The following HAL variants were observed in gnomAD, a reference collection of about 807,000 sequenced individuals.
HAL encodes histidine ammonia-lyase.
In HAL, 85 loss-of-function variants were observed where a neutral mutation model predicts 81.1. The observed-to-expected ratio is 1.05, with a 90% CI of 0.88 to 1.25. The LOEUF is 1.25. Among genes scored for constraint, HAL ranks in the 50% most tolerant of loss-of-function variants. The pLI, the probability that HAL is intolerant of heterozygous loss-of-function variation, is 0.00. For missense variants in HAL, 798 were observed against 836.6 expected, an observed-to-expected ratio of 0.95 and a Z score of 0.57; for synonymous variants, 301 against 309.2, an observed-to-expected ratio of 0.97 and a Z score of 0.28.
At position 95,994,843 on chromosome 12, in the gene HAL, A is replaced by G. The variant is rs1347793626; in HGVS notation, c.309-18T>C. 6.2e-7 allele frequency: 1 copy of G among 1,613,906 alleles called. No individual in the cohort carries two copies. On this transcript the variant is annotated intron_variant, in intron 3 of 20. Transcript: ENST00000261208. ...TGCTGTATCTGTATCCAGGTAAAGG[A>G]ACATATAGGGTGGTGTGGAAAAACC... is the stretch of plus-strand genomic sequence containing the variant.
intron 11 of HAL, 89 bp from the exon 12 acceptor site, chr12:95,987,303 GA>G: frequency 9.3e-7 from 1 of 1,075,038 alleles, no homozygotes; most frequent in South Asian, 1.3e-5. Flanking sequence ...TTTCATAAGA[GA>G]AAAATTAGCC....
Position 95,974,022 on chromosome 12 carries a change from C to G in HAL, c.*210G>C. On this transcript the variant is annotated 3_prime_UTR_variant, in exon 21 of 21. Coordinates refer to ENST00000261208, the MANE Select transcript of HAL (RefSeq NM_002108.4). ...GAAAAGTTTTATAATCTGAAAATAC[C>G]TGGTGGGTCTTGAACCACGACAACA... The G allele has an allele frequency of 1.6e-6, 1 of 610,362 alleles. No homozygotes were observed. Among genetic ancestry groups the G allele is most frequent in the South Asian group, 1.9e-5 (1 of 51,400 alleles). The allele number at this position is 610,362 out of a possible 1,614,324, so 37.8% of individuals were successfully genotyped here.
At position 95,990,537 on chromosome 12, in the gene HAL, G is replaced by T; in HGVS notation, c.716-5C>A. 1.2e-6 allele frequency: 2 copies of T among 1,613,042 alleles called. 1 individual carries two copies. The highest frequency in any genetic ancestry group is 2.2e-5 in the South Asian group (2 of 91,040). ...GGACATAGGGCAGGCAGGAGGCTGG[G>T]AGAGAAGTAGGCAGCAATTAGTTCA... is the stretch of plus-strand genomic sequence containing the variant. On this transcript the variant is annotated splice_region_variant and splice_polypyrimidine_tract_variant and intron_variant, in intron 9 of 20. Transcript: ENST00000261208.
Position 95,987,193 on chromosome 12 carries a change from T to A in HAL, c.925A>T (p.Thr309Ser). The change falls in exon 12 of 21, where the codon ACG (threonine) becomes TCG (serine). Residue 309 changes from threonine (T) to serine (S), a missense_variant. Physicochemically the swap from Thr to Ser is moderately conservative, Grantham distance 58 (BLOSUM62 1). Coordinates refer to ENST00000261208, the MANE Select transcript of HAL (RefSeq NM_002108.4). The stretch of plus-strand genomic sequence containing the variant: ...CAGCCCAGGGATGTGATCATCTGCG[T>A]CCCATTGATGAGTGCCAGGCCCTGT... Reference protein sequence around the residue: ...PKEGLALINGTQMITSLGCEA... With the variant: ...PKEGLALINGSQMITSLGCEA... 1 of 1,613,978 alleles carries A rather than the reference T, an allele frequency of 6.2e-7. No individual in the cohort carries two copies. The highest frequency in any genetic ancestry group is 8.5e-7 in the Non-Finnish European group (1 of 1,179,806).
At chr12:95,991,643 T>C (rs1258597243) in intron 9 of HAL, among the ~76,000 whole-genome samples, 2 of 152,238 alleles carry the variant, frequency 1.3e-5, no homozygotes, top group Non-Finnish European at 2.9e-5. Context: ...TGTTAAATAA[T>C]GTCAGTCGGG....
Position 95,974,287 on chromosome 12 carries a change from GA to G in HAL, c.1918del (p.Ser640HisfsTer50). On this transcript the variant is annotated frameshift_variant, in exon 21 of 21. Transcript: ENST00000261208. LOFTEE classifies it high-confidence loss of function. The stretch of plus-strand genomic sequence containing the variant: ...GGATTTCTTGTGCAGAAATTGCAGT[GA>G]AAAGGCTGTTGGAGAAAGAGGTCTT... The part of the protein sequence containing the change: ...ESRPLSPTAF[S>X]LQFLHKKSTK... 6.2e-7 allele frequency: 1 copy of G among 1,613,654 alleles called. No homozygotes were observed. The highest frequency in any genetic ancestry group is 8.5e-7 in the Non-Finnish European group (1 of 1,179,538).
intron 15 of HAL, 185 bp downstream of exon 15, chr12:95,983,726 C>T: frequency 1.6e-6 from 1 of 627,172 alleles, no homozygotes; most frequent in South Asian, 1.9e-5. Context: ...CACAGGTCAC[C>T]TCTGCCACTT....
intron 9 of HAL, 145 bp downstream of exon 9, chr12:95,992,535 C>A: frequency 1.5e-6 from 1 of 681,756 alleles, no homozygotes; most frequent in Non-Finnish European, 2.6e-6. Context: ...ATCTAACTAT[C>A]CTACTTTTTG....
intron 15 of HAL, among the ~76,000 whole-genome samples, chr12:95,981,485 G>T (rs534059142): frequency 2.0e-5 from 3 of 152,188 alleles, no homozygotes; most frequent in African/African-American, 7.2e-5. Flanking sequence ...TTTATTTTCT[G>T]TATCATTCTG....
At chr12:95,981,430 C>T (rs1214682244) in intron 15 of HAL, among the ~76,000 whole-genome samples, 5 of 152,104 alleles carry the variant, frequency 3.3e-5, no homozygotes, top group African/African-American at 1.2e-4. Flanking sequence ...AAGTAGGTGG[C>T]AAGTTTAAAT....
In HAL at chr12:95,973,582, T is replaced by C. The variant is rs530654526; in HGVS notation, c.*650A>G. ...TAAGAGCCACCCAAATAGCAATCTT[T>C]ATATTCATTCCTTATCTCCTTTGCA... is the stretch of plus-strand genomic sequence containing the variant. On this transcript the variant is annotated 3_prime_UTR_variant, in exon 21 of 21. Coordinates refer to ENST00000261208, the MANE Select transcript of HAL (RefSeq NM_002108.4). 6.5e-6 allele frequency: 1 copy of C among 153,014 alleles called. No individual in the cohort carries two copies. Among genetic ancestry groups the C allele is most frequent in the African/African-American group, 2.4e-5 (1 of 41,568 alleles). The allele number at this position is 153,014 out of a possible 1,614,324, so 9.5% of individuals were successfully genotyped here. A position where few individuals can be genotyped will look rare whatever the true frequency, so the allele number is the denominator to read the frequency against.
In HAL at chr12:95,977,909, A is replaced by C; in HGVS notation, c.1654+35T>G. ...AGAACCACGGGCACAGTGGTCTATC[A>C]GGCAGGCCCGCCACCCCGAACTCAT... On this transcript the variant is annotated intron_variant, in intron 18 of 20. Coordinates refer to ENST00000261208, the MANE Select transcript of HAL (RefSeq NM_002108.4). 2 of 1,611,882 alleles carry C rather than the reference A, an allele frequency of 1.2e-6. 1 individual carries two copies. Among genetic ancestry groups the C allele is most frequent in the South Asian group, 2.2e-5 (2 of 91,012 alleles).
At chr12:95,986,027 C>T (rs757300608) in intron 13 of HAL, 38 bp downstream of exon 13, 8 of 1,572,796 alleles carry the variant, frequency 5.1e-6, no homozygotes, top group Non-Finnish European at 6.1e-6. Flanking sequence ...TCACAAAACA[C>T]GTAACCAAAT....
At chr12:95,978,585 G>A (rs766768876) in intron 17 of HAL, among the ~76,000 whole-genome samples, 2 of 152,106 alleles carry the variant, frequency 1.3e-5, no homozygotes, top group African/African-American at 2.4e-5. Context: ...GGAGGTGGGG[G>A]AATTCTAGGG....
At chr12:95,980,239 C>T (rs1010033928) in intron 17 of HAL, among the ~76,000 whole-genome samples, 1 of 45,768 alleles carries the variant, frequency 2.2e-5, no homozygotes, top group Admixed American at 2.8e-4. Context: ...CAATAGTCTT[C>T]AAATGGAGAT....
intron 15 of HAL, among the ~76,000 whole-genome samples, chr12:95,981,857 T>G (rs996973553): frequency 1.3e-5 from 2 of 152,246 alleles, no homozygotes; most frequent in African/African-American, 4.8e-5. Flanking sequence ...AGAGCTAATC[T>G]TTGCCTCTTG....
chr12:95,977,612 C>T (rs2080736380), intron 18 of HAL, among the ~76,000 whole-genome samples: 1 of 134,590 alleles, frequency 7.4e-6, no homozygotes, highest in African/African-American at 2.9e-5. Context: ...CACTGCACTC[C>T]AGCCTGGGTG....
At chr12:95,991,999 C>T (rs1040025535) in intron 9 of HAL, among the ~76,000 whole-genome samples, 1 of 152,224 alleles carries the variant, frequency 6.6e-6, no homozygotes, top group Non-Finnish European at 1.5e-5. Context: ...TCTCCTCCCT[C>T]TCCTTCCCCT....
chr12:95,982,473 A>G (rs2136802527), intron 15 of HAL, among the ~76,000 whole-genome samples: 1 of 152,390 alleles, frequency 6.6e-6, no homozygotes, highest in East Asian at 1.9e-4. Flanking sequence ...GTAAATGTAG[A>G]ATAGATACCT....
Sources: allele counts gnomAD v4.1 joint callset (sites outside exome capture counted in the v4.1 genomes callset), GRCh38; gene constraint gnomAD v4.1.1; transcripts MANE v1.5; gene names NCBI Gene and HGNC (gene_info 2026-07-23, HGNC 2026-07-21).